Variants in ZMIZ1 observed in about 807,000 individuals in gnomAD.
ZMIZ1 encodes the protein zinc finger MIZ-type containing 1, also known as zinc finger MIZ domain-containing protein 1.
ZMIZ1 carries 17 observed loss-of-function variants against 113.9 expected under a neutral mutation model. The observed-to-expected ratio is 0.15, with a 90% CI of 0.10 to 0.22. ZMIZ1 has a LOEUF of 0.22. Among genes scored for constraint, ZMIZ1 ranks in the 10% least tolerant of loss-of-function variants. The pLI, the probability that ZMIZ1 is intolerant of heterozygous loss-of-function variation, is 1.00. For missense variants in ZMIZ1, 1,059 were observed against 1,477.8 expected, an observed-to-expected ratio of 0.72 and a Z score of 4.65; for synonymous variants, 607 against 603.1, an observed-to-expected ratio of 1.01 and a Z score of -0.09.
chr10:79,144,866 G>A (rs978388580), intron 3 of ZMIZ1, among the ~76,000 whole-genome samples: 9 of 151,690 alleles, frequency 5.9e-5, no homozygotes, highest in South Asian at 2.1e-4. Flanking sequence ...CTTGCTTTCC[G>A]TCTGCCTCTC....
intron 3 of ZMIZ1, among the ~76,000 whole-genome samples, chr10:79,153,854 A>G (rs967802779): frequency 1.3e-5 from 2 of 152,206 alleles, no homozygotes; most frequent in African/African-American, 4.8e-5. Context: ...CGGCATTTTT[A>G]ACTCTGGGTC....
intron 7 of ZMIZ1, among the ~76,000 whole-genome samples, chr10:79,270,301 C>G (rs533974454): frequency 1.6e-3 from 246 of 152,354 alleles, no homozygotes; most frequent in Middle Eastern, 6.8e-3. Context: ...CGGTGCCTTC[C>G]TGCCTGGTCC....
At chr10:79,111,592 A>C (rs1369990101) in intron 1 of ZMIZ1, among the ~76,000 whole-genome samples, 1 of 152,224 alleles carries the variant, frequency 6.6e-6, no homozygotes, top group East Asian at 1.9e-4. Flanking sequence ...AAGTGGGCCC[A>C]CACAGGCCAG....
At chr10:79,225,065 G>A (rs1170948390) in intron 7 of ZMIZ1, among the ~76,000 whole-genome samples, 2 of 152,092 alleles carry the variant, frequency 1.3e-5, no homozygotes, top group Non-Finnish European at 2.9e-5. Flanking sequence ...CTTGAGGTCG[G>A]GGAGCAGGTG....
chr10:79,256,710 G>C (rs1300684223), intron 7 of ZMIZ1, among the ~76,000 whole-genome samples: 5 of 152,194 alleles, frequency 3.3e-5, no homozygotes, highest in Non-Finnish European at 7.3e-5. Flanking sequence ...TGCTCTGGGA[G>C]GTGATTTCTC....
At chr10:79,098,040 C>G (rs1843232721) in intron 1 of ZMIZ1, among the ~76,000 whole-genome samples, 3 of 152,136 alleles carry the variant, frequency 2.0e-5, no homozygotes, top group African/African-American at 7.2e-5. Context: ...CCCTCGGAGG[C>G]CTTTGGAGGC....
At chr10:79,092,341 TG>T (rs910645719) in intron 1 of ZMIZ1, among the ~76,000 whole-genome samples, 3 of 152,232 alleles carry the variant, frequency 2.0e-5, no homozygotes, top group Admixed American at 2.0e-4. Flanking sequence ...TTCTCCAGAT[TG>T]GGGGTGACCC....
rs78960635 is a variant in ZMIZ1 at position 79,271,138 on chromosome 10, C to G, written c.281-6043C>G. ...GCAACATGTGTGCCAGATGAGCACACAGGCCTGCTCATCTACTCAGGGCCC... is the reference window on the plus strand; with the variant it reads ...GCAACATGTGTGCCAGATGAGCACAGAGGCCTGCTCATCTACTCAGGGCCC... On this transcript the variant is annotated intron_variant, in intron 7 of 24. Coordinates refer to ENST00000334512, the MANE Select transcript of ZMIZ1 (RefSeq NM_020338.4). Among the ~76,000 whole-genome samples the G allele has an allele frequency of 7.4e-3, 1,122 of 152,296 alleles. 10 individuals carry two copies. The highest frequency in any genetic ancestry group is 0.026 in the African/African-American group (1,065 of 41,550).
rs565359581 is a variant in ZMIZ1, at chr10:79,303,061, C to T, written c.2125+849C>T. Reference sequence around the variant, plus strand: ...TGTTTTAGTAGAGACGGGGTTTCACCGTGTTAGCCAGGATGGTCACAATCT... The same window carrying T: ...TGTTTTAGTAGAGACGGGGTTTCACTGTGTTAGCCAGGATGGTCACAATCT... On this transcript the variant is annotated intron_variant, in intron 18 of 24. Transcript: ENST00000334512. Among the ~76,000 whole-genome samples, 289 of 152,008 alleles carry T rather than the reference C, an allele frequency of 1.9e-3. 1 individual carries two copies. Among genetic ancestry groups the T allele is most frequent in the African/African-American group, 6.8e-3 (282 of 41,502 alleles).
At chr10:79,282,861 C>G (rs994567369) in intron 8 of ZMIZ1, among the ~76,000 whole-genome samples, 15 of 152,204 alleles carry the variant, frequency 9.9e-5, no homozygotes, top group African/African-American at 3.6e-4. Context: ...CTCACAGATA[C>G]CCAGGATACT....
At chr10:79,218,597 G>T (rs939092951) in intron 7 of ZMIZ1, among the ~76,000 whole-genome samples, 1 of 151,196 alleles carries the variant, frequency 6.6e-6, no homozygotes, top group Non-Finnish European at 1.5e-5. Context: ...GTGTGTGTGT[G>T]TGTGTGTGTC....
At position 79,262,934 on chromosome 10, in the gene ZMIZ1, G is replaced by A. The variant is rs574068944; in HGVS notation, c.281-14247G>A. Among the ~76,000 whole-genome samples, 6 of 152,310 alleles carry A rather than the reference G, an allele frequency of 3.9e-5. No individual in the cohort carries two copies. In the South Asian group the frequency reaches 6.2e-4, roughly 16 times the overall value. On this transcript the variant is annotated intron_variant, in intron 7 of 24. Coordinates refer to ENST00000334512, the MANE Select transcript of ZMIZ1 (RefSeq NM_020338.4). ...CAAGCCTCCATACTCTGGGTTTCTC[G>A]GAAAAGGAATGGAACGACCGATTAG...
At chr10:79,247,320 A>T (rs1210033585) in intron 7 of ZMIZ1, among the ~76,000 whole-genome samples, 1 of 152,086 alleles carries the variant, frequency 6.6e-6, no homozygotes, top group Non-Finnish European at 1.5e-5. Flanking sequence ...CCCTTCCAGG[A>T]CCCATAGTGA....
chr10:79,142,260 C>T (rs1845303207), intron 3 of ZMIZ1, among the ~76,000 whole-genome samples: 1 of 152,070 alleles, frequency 6.6e-6, no homozygotes, highest in South Asian at 2.1e-4. Flanking sequence ...GTCGGGAAGG[C>T]AGAGAGAGGT....
intron 3 of ZMIZ1, among the ~76,000 whole-genome samples, chr10:79,149,571 G>A (rs1845627474): frequency 6.6e-6 from 1 of 152,186 alleles, no homozygotes; most frequent in Non-Finnish European, 1.5e-5. Context: ...GACTCCTCCA[G>A]ACACTTCAGG....
intron 3 of ZMIZ1, among the ~76,000 whole-genome samples, chr10:79,151,114 A>G (rs1009949154): frequency 2.5e-4 from 38 of 152,082 alleles, no homozygotes; most frequent in Admixed American, 2.0e-4. Context: ...GGCCACCTTG[A>G]GCTCCTGGGC....
intron 7 of ZMIZ1, among the ~76,000 whole-genome samples, chr10:79,229,806 G>A (rs945241284): frequency 9.9e-5 from 15 of 152,062 alleles, no homozygotes; most frequent in African/African-American, 2.9e-4. Context: ...ACTGTGGGGT[G>A]GGGAAGCAGA....
intron 24 of ZMIZ1, 103 bp from the exon 25 acceptor site, chr10:79,312,539 G>C: frequency 8.0e-7 from 1 of 1,255,350 alleles, no homozygotes; most frequent in East Asian, 2.3e-5. Flanking sequence ...AGGGTCCTGA[G>C]AGGCAGGTGG....
At position 79,232,390 on chromosome 10, in the gene ZMIZ1, G is replaced by A. The variant is rs182822517; in HGVS notation, c.280+16116G>A. On this transcript the variant is annotated intron_variant, in intron 7 of 24. Transcript: ENST00000334512. Reference sequence around the variant, plus strand: ...ACAGCAAAGGGGAAGCAGGAGGACGGTGTATTTTTGGAGGTCACAAGATAC... The same window carrying A: ...ACAGCAAAGGGGAAGCAGGAGGACGATGTATTTTTGGAGGTCACAAGATAC... Among the ~76,000 whole-genome samples, 432 of 152,260 alleles carry A rather than the reference G, an allele frequency of 2.8e-3. 1 individual carries two copies. Among genetic ancestry groups the A allele is most frequent in the Admixed American group, 8.0e-3 (123 of 15,300 alleles).
Sources: allele counts gnomAD v4.1 joint callset (sites outside exome capture counted in the v4.1 genomes callset), GRCh38; gene constraint gnomAD v4.1.1; transcripts MANE v1.5; gene names NCBI Gene and HGNC (gene_info 2026-07-23, HGNC 2026-07-21).